The following LOC128125817 variants were observed in gnomAD, a reference collection of about 807,000 sequenced individuals.
the LOC128125817 span, among the ~76,000 whole-genome samples, chr1:41,626,615 C>G: frequency 6.6e-6 from 1 of 152,170 alleles, no homozygotes; most frequent in Non-Finnish European, 1.5e-5. Context: ...TGGACTAGTT[C>G]AAGTATCTGT....
At chr1:41,594,649 C>CTAT in the LOC128125817 span, among the ~76,000 whole-genome samples, 6 of 152,152 alleles carry the variant, frequency 3.9e-5, no homozygotes, top group Admixed American at 2.6e-4. Flanking sequence ...GATATTGAAG[C>CTAT]TATTGATCCT....
chr1:41,615,815 CTTTTTTTTTTTTT>C, the LOC128125817 span, among the ~76,000 whole-genome samples: 98 of 47,028 alleles, frequency 2.1e-3, no homozygotes, highest in African/African-American at 7.0e-3. Context: ...TTTGACAAGT[CTTTTTTTTTTTTT>C]TTTTTTTTTT....
At chr1:41,607,987 C>T in the LOC128125817 span, among the ~76,000 whole-genome samples, 234 of 152,322 alleles carry the variant, frequency 1.5e-3, 1 homozygote, top group African/African-American at 5.4e-3. Context: ...TCAGCTCACA[C>T]GAGCCCATGG....
chr1:41,609,115 G>A, the LOC128125817 span, among the ~76,000 whole-genome samples: 3 of 152,136 alleles, frequency 2.0e-5, no homozygotes, highest in African/African-American at 7.2e-5. Flanking sequence ...GGGAAGAGGT[G>A]GAGGTGGGCA....
At chr1:41,597,081 C>T in the LOC128125817 span, among the ~76,000 whole-genome samples, 17 of 152,068 alleles carry the variant, frequency 1.1e-4, no homozygotes, top group African/African-American at 2.9e-4. Flanking sequence ...CCTTCTCCTC[C>T]TCCCTCCCAA....
At chr1:41,612,632 G>T in the LOC128125817 span, among the ~76,000 whole-genome samples, 1 of 152,224 alleles carries the variant, frequency 6.6e-6, no homozygotes, top group Non-Finnish European at 1.5e-5. Context: ...AGGATTCATG[G>T]TGTTCCCTGA....
the LOC128125817 span, among the ~76,000 whole-genome samples, chr1:41,614,883 G>C: frequency 6.6e-6 from 1 of 152,210 alleles, no homozygotes; most frequent in Non-Finnish European, 1.5e-5. Flanking sequence ...ACTAAGATCT[G>C]AAGGAAATTT....
At chr1:41,593,856 T>C in the LOC128125817 span, among the ~76,000 whole-genome samples, 1 of 152,230 alleles carries the variant, frequency 6.6e-6, no homozygotes, top group Non-Finnish European at 1.5e-5. Flanking sequence ...GCAGGGCCAC[T>C]TTTCTTTCTG....
the LOC128125817 span, among the ~76,000 whole-genome samples, chr1:41,602,269 G>C: frequency 6.6e-6 from 1 of 152,104 alleles, no homozygotes; most frequent in Non-Finnish European, 1.5e-5. Flanking sequence ...AAATGAGTTT[G>C]GAGGTGTTCC....
At chr1:41,623,991 G>A in the LOC128125817 span, among the ~76,000 whole-genome samples, 3 of 151,938 alleles carry the variant, frequency 2.0e-5, no homozygotes, top group Admixed American at 6.5e-5. Flanking sequence ...TCAAAGGCGC[G>A]GGCCAGAGGT....
At chr1:41,591,489 C>T in the LOC128125817 span, among the ~76,000 whole-genome samples, 122 of 152,130 alleles carry the variant, frequency 8.0e-4, no homozygotes, top group Admixed American at 3.1e-3. Context: ...TTATGGGATA[C>T]TTTTCAGATT....
At chr1:41,592,561 T>A in the LOC128125817 span, among the ~76,000 whole-genome samples, 6 of 152,198 alleles carry the variant, frequency 3.9e-5, no homozygotes, top group Non-Finnish European at 5.9e-5. Context: ...TACCTGCTAA[T>A]CTTTGTAAAA....
chr1:41,625,031 C>T, the LOC128125817 span, among the ~76,000 whole-genome samples: 4 of 152,018 alleles, frequency 2.6e-5, no homozygotes, highest in East Asian at 1.9e-4. Flanking sequence ...GGTGTGGTGG[C>T]ATGCGCCTGT....
At chr1:41,611,876 C>G in the LOC128125817 span, among the ~76,000 whole-genome samples, 1 of 152,214 alleles carries the variant, frequency 6.6e-6, no homozygotes, top group Non-Finnish European at 1.5e-5. Context: ...CCTGGGAACT[C>G]CGGTTGCCTG....
At chr1:41,591,930 C>T in the LOC128125817 span, among the ~76,000 whole-genome samples, 2 of 152,062 alleles carry the variant, frequency 1.3e-5, no homozygotes, top group African/African-American at 4.8e-5. Context: ...AAACTAAAGA[C>T]ATTTCTGAGT....
the LOC128125817 span, among the ~76,000 whole-genome samples, chr1:41,609,846 C>A: frequency 6.6e-6 from 1 of 152,248 alleles, no homozygotes; most frequent in Non-Finnish European, 1.5e-5. Flanking sequence ...GTTGGCTATG[C>A]CATAGGCCAA....
chr1:41,586,236 G>T, the LOC128125817 span, among the ~76,000 whole-genome samples: 1 of 152,218 alleles, frequency 6.6e-6, no homozygotes, highest in African/African-American at 2.4e-5. Context: ...AGGGCCAGCT[G>T]CAAGCAGGGC....
chr1:41,627,880 A>ATCCCTCCC, the LOC128125817 span, among the ~76,000 whole-genome samples: 17 of 150,460 alleles, frequency 1.1e-4, no homozygotes, highest in Admixed American at 4.6e-4. Context: ...CCCTCCGTCC[A>ATCCCTCCC]TCCCTCCCTC....
the LOC128125817 span, among the ~76,000 whole-genome samples, chr1:41,622,084 C>CAATAACAAATGCTTACTG: frequency 1.3e-5 from 2 of 152,222 alleles, no homozygotes; most frequent in African/African-American, 4.8e-5. Context: ...ATCCATCTTG[C>CAATAACAAATGCTTACTG]AGATCCTTGG....
Sources: allele counts gnomAD v4.1 joint callset (sites outside exome capture counted in the v4.1 genomes callset), GRCh38; gene constraint gnomAD v4.1.1; transcripts MANE v1.5.